The following CDC42SE2 variants were observed in gnomAD, a reference collection of about 807,000 sequenced individuals.
CDC42SE2 encodes the protein CDC42 small effector 2, also known as CDC42 small effector protein 2.
In CDC42SE2, 3 loss-of-function variants were observed where a neutral mutation model predicts 11.5. That is an observed-to-expected ratio of 0.26 (90% confidence interval 0.12 to 0.67). The LOEUF is 0.67. Among genes scored for constraint, CDC42SE2 ranks in the 30% least tolerant of loss-of-function variants. The probability of loss-of-function intolerance (pLI) is 0.80; values close to 1 mark genes in which losing one functional copy is unlikely to be tolerated. For synonymous variants in CDC42SE2, 33 were observed against 34.8 expected (o/e 0.95, Z 0.18); for missense variants, 82 against 106.8 (o/e 0.77, Z 1.02).
At chr5:131,390,821 C>G (rs757325683) in intron 4 of CDC42SE2, among the ~76,000 whole-genome samples, 172 bp from the exon 5 acceptor site, 5 of 152,162 alleles carry the variant, frequency 3.3e-5, no homozygotes, top group Admixed American at 6.5e-5. Context: ...GCTAGCCTCC[C>G]TGTTTGTCCT....
At position 131,326,905 on chromosome 5, in the gene CDC42SE2, G is replaced by C. The variant is rs117308333; in HGVS notation, c.-286+10761G>C. Reference sequence around the variant, plus strand: ...GAATACAGGCATGAGACCATGGTTGGCCTGCCTTAAATTTTATTAAGATTG... The same window carrying C: ...GAATACAGGCATGAGACCATGGTTGCCCTGCCTTAAATTTTATTAAGATTG... On this transcript the variant is annotated intron_variant, in intron 2 of 4. Coordinates refer to ENST00000505065, the MANE Select transcript of CDC42SE2 (RefSeq NM_001375635.1). 1.5e-3 allele frequency among the ~76,000 whole-genome samples: 227 copies of C among 152,124 alleles called. 5 individuals carry two copies. In the East Asian group the frequency reaches 0.037, roughly 24 times the overall value.
intron 2 of CDC42SE2, among the ~76,000 whole-genome samples, chr5:131,256,186 TAACAC>T (rs1330863819): frequency 2.6e-5 from 4 of 152,240 alleles, no homozygotes; most frequent in Admixed American, 2.0e-4. Flanking sequence ...CAAGTGGAAA[TAACAC>T]AGTAAGTCCC....
chr5:131,218,456 A>T, the CDC42SE2 span, among the ~76,000 whole-genome samples: 1 of 152,218 alleles, frequency 6.6e-6, no homozygotes, highest in Admixed American at 6.5e-5. Context: ...AAATTGGTAC[A>T]ACTTTGGAAC....
chr5:131,266,135 AACT>A (rs1404003703), intron 1 of CDC42SE2, among the ~76,000 whole-genome samples: 7 of 152,194 alleles, frequency 4.6e-5, no homozygotes, highest in African/African-American at 1.7e-4. Flanking sequence ...ACTGTGATAA[AACT>A]ACTAATTTAA....
intron 1 of CDC42SE2, among the ~76,000 whole-genome samples, chr5:131,307,353 G>T (rs1410025852): frequency 1.3e-5 from 2 of 151,706 alleles, no homozygotes; most frequent in African/African-American, 4.8e-5. Flanking sequence ...TACTGAGAAT[G>T]ATGGTTTCCA....
At chr5:131,316,334 C>T (rs1285652828) in intron 2 of CDC42SE2, among the ~76,000 whole-genome samples, 190 bp downstream of exon 2, 1 of 152,244 alleles carries the variant, frequency 6.6e-6, no homozygotes, top group Admixed American at 6.5e-5. Flanking sequence ...GTTTGGCTTG[C>T]TTCTTCCAGT....
At chr5:131,328,615 TA>T (rs1207523332) in intron 2 of CDC42SE2, among the ~76,000 whole-genome samples, 1 of 152,202 alleles carries the variant, frequency 6.6e-6, no homozygotes, top group Non-Finnish European at 1.5e-5. Context: ...ATTGACTTTC[TA>T]GGGACACATT....
chr5:131,226,653 G>C, the CDC42SE2 span, among the ~76,000 whole-genome samples: 1 of 152,152 alleles, frequency 6.6e-6, no homozygotes, highest in African/African-American at 2.4e-5. Context: ...GCCAGAGTAG[G>C]GGCTTATGAA....
rs200692326 is a variant in CDC42SE2, at chr5:131,275,298, CT to C, written c.-455+11148del. On this transcript the variant is annotated intron_variant, in intron 1 of 4. Transcript: ENST00000505065. ...CCTTCAATTTGGACTATATTGTAAT[CT>C]TTTTTTTTTTTTTTTGAGACTGAGT... Among the ~76,000 whole-genome samples the C allele has an allele frequency of 5.9e-3, 815 of 138,250 alleles. 2 individuals carry two copies. The highest frequency in any genetic ancestry group is 0.013 in the African/African-American group (507 of 37,972). 90.7% of individuals were successfully genotyped at this position (138,250 alleles called of 152,430 possible).
At chr5:131,238,342 G>A in the CDC42SE2 span, among the ~76,000 whole-genome samples, 54 of 151,694 alleles carry the variant, frequency 3.6e-4, no homozygotes, top group African/African-American at 1.3e-3. Context: ...CTAAAACTAC[G>A]AAAACAAAAA....
chr5:131,244,585 C>A (rs1158556309), upstream of CDC42SE2, among the ~76,000 whole-genome samples: 1 of 152,152 alleles, frequency 6.6e-6, no homozygotes, highest in African/African-American at 2.4e-5. Context: ...GTGGCACATG[C>A]CTGTACTCCC....
At chr5:131,218,517 A>G in the CDC42SE2 span, among the ~76,000 whole-genome samples, 1 of 152,346 alleles carries the variant, frequency 6.6e-6, no homozygotes, top group East Asian at 1.9e-4. Flanking sequence ...CCTATGACTC[A>G]GCACTTGCAC....
the CDC42SE2 span, among the ~76,000 whole-genome samples, chr5:131,219,346 A>C: frequency 6.6e-6 from 1 of 152,218 alleles, no homozygotes; most frequent in Admixed American, 6.5e-5. Flanking sequence ...AAAGATTTAA[A>C]AATCATCAAT....
At chr5:131,322,657 G>A (rs1334689892) in intron 2 of CDC42SE2, among the ~76,000 whole-genome samples, 2 of 151,992 alleles carry the variant, frequency 1.3e-5, no homozygotes, top group Admixed American at 1.3e-4. Context: ...TTTAAGGCTC[G>A]ATAATATTCC....
At chr5:131,264,768 C>G (rs569025654) in intron 1 of CDC42SE2, among the ~76,000 whole-genome samples, 2 of 152,184 alleles carry the variant, frequency 1.3e-5, no homozygotes, top group South Asian at 4.1e-4. Flanking sequence ...CTTTAAGTTG[C>G]GATTTTAGGC....
the CDC42SE2 span, among the ~76,000 whole-genome samples, chr5:131,232,578 C>G: frequency 6.6e-6 from 1 of 151,400 alleles, no homozygotes; most frequent in African/African-American, 2.4e-5. Flanking sequence ...ACTAAAAATA[C>G]CAAACATTAG....
the CDC42SE2 span, among the ~76,000 whole-genome samples, chr5:131,231,986 C>T: frequency 9.2e-5 from 14 of 152,218 alleles, no homozygotes; most frequent in African/African-American, 2.6e-4. Context: ...GACAGGGTTT[C>T]ACCACGTTGG....
At chr5:131,317,196 CCA>C (rs1312519877) in intron 2 of CDC42SE2, among the ~76,000 whole-genome samples, 4 of 152,060 alleles carry the variant, frequency 2.6e-5, no homozygotes, top group Admixed American at 2.0e-4. Flanking sequence ...TTTAAGACTT[CCA>C]GTATGTAACA....
At chr5:131,281,945 T>G (rs1757245482) in intron 1 of CDC42SE2, among the ~76,000 whole-genome samples, 1 of 152,254 alleles carries the variant, frequency 6.6e-6, no homozygotes, top group African/African-American at 2.4e-5. Flanking sequence ...AATAAATGTT[T>G]AATTTCCTTT....
Sources: gnomAD v4.1 joint callset for allele counts (sites outside exome capture counted in the v4.1 genomes callset) on GRCh38, gnomAD v4.1.1 for gene constraint, MANE v1.5 for transcripts, NCBI Gene and HGNC (gene_info 2026-07-23, HGNC 2026-07-21) for gene names.